RBFOX1: variants seen among roughly 807,000 people sequenced by gnomAD.
The protein encoded by RBFOX1 is RNA binding protein fox-1 homolog 1.
RBFOX1 carries 8 observed loss-of-function variants against 57.7 expected under a neutral mutation model. The ratio of observed to expected loss-of-function variants is 0.14; its 90% CI spans 0.08 to 0.25. The LOEUF (loss-of-function observed/expected upper bound fraction) is 0.25. Among genes scored for constraint, RBFOX1 ranks in the 10% least tolerant of loss-of-function variants. The pLI is 1.00. For missense variants in RBFOX1, 611 were observed against 548.5 expected, an observed-to-expected ratio of 1.11 and a Z score of -1.14; for synonymous variants, 326 against 222.4, an observed-to-expected ratio of 1.47 and a Z score of -4.15.
intron 4 of RBFOX1, among the ~76,000 whole-genome samples, chr16:5,925,641 TTTATG>T (rs1445708378): frequency 3.3e-5 from 5 of 152,124 alleles, no homozygotes; most frequent in African/African-American, 1.2e-4. Flanking sequence ...CATAGTGAAT[TTTATG>T]TTATGTGTAT....
At chr16:6,408,412 T>G (rs2093356385) in intron 2 of RBFOX1, among the ~76,000 whole-genome samples, 1 of 152,132 alleles carries the variant, frequency 6.6e-6, no homozygotes, top group Admixed American at 6.5e-5. Context: ...ATGGTTAGTG[T>G]TTTTTAATAG....
chr16:5,440,505 T>C (rs2068052285), intron 1 of RBFOX1, among the ~76,000 whole-genome samples: 1 of 152,070 alleles, frequency 6.6e-6, no homozygotes, highest in Non-Finnish European at 1.5e-5. Context: ...TGCATTGGAG[T>C]TTGGAGAATG....
At chr16:7,393,763 G>C (rs954508767) in intron 4 of RBFOX1, among the ~76,000 whole-genome samples, 3 of 152,182 alleles carry the variant, frequency 2.0e-5, no homozygotes, top group African/African-American at 4.8e-5. Context: ...AGGGGTGGTA[G>C]CCGCCTTACC....
intron 3 of RBFOX1, among the ~76,000 whole-genome samples, chr16:6,717,990 C>T (rs761140322): frequency 2.6e-5 from 4 of 152,098 alleles, no homozygotes; most frequent in Non-Finnish European, 4.4e-5. Context: ...CTCCCCTGCA[C>T]CATTTTCTAC....
At position 5,290,721 on chromosome 16, in the gene RBFOX1, G is replaced by A. The variant is rs145048782; in HGVS notation, c.219+50616G>A. 6.2e-3 allele frequency among the ~76,000 whole-genome samples: 937 copies of A among 151,200 alleles called. 9 individuals are homozygous for A. Among genetic ancestry groups the A allele is most frequent in the African/African-American group, 0.022 (893 of 41,196 alleles). ...AGGGACTTTTTTTTTTTTTTGAGACGGAGTTTAGCTCTTGACGCCTAGGCT... is the reference window on the plus strand; with the variant it reads ...AGGGACTTTTTTTTTTTTTTGAGACAGAGTTTAGCTCTTGACGCCTAGGCT... On this transcript the variant is annotated intron_variant, in intron 1 of 2. Transcript: ENST00000585867.
chr16:6,936,373 CAG>C (rs758843362), intron 3 of RBFOX1, among the ~76,000 whole-genome samples: 3 of 152,066 alleles, frequency 2.0e-5, no homozygotes, highest in Non-Finnish European at 4.4e-5. Context: ...TAGGCACAAA[CAG>C]AAACAAATAA....
At chr16:6,791,269 C>T (rs537118439) in intron 3 of RBFOX1, among the ~76,000 whole-genome samples, 1 of 152,158 alleles carries the variant, frequency 6.6e-6, no homozygotes, top group African/African-American at 2.4e-5. Flanking sequence ...GCCATTGACT[C>T]AGCTGCATGG....
At chr16:7,444,122 C>G (rs1323320913) in intron 4 of RBFOX1, among the ~76,000 whole-genome samples, 1 of 152,186 alleles carries the variant, frequency 6.6e-6, no homozygotes, top group Non-Finnish European at 1.5e-5. Context: ...TTATACTAAA[C>G]CAACGTTATA....
intron 1 of RBFOX1, among the ~76,000 whole-genome samples, chr16:6,214,178 C>G (rs2097316160): frequency 6.6e-6 from 1 of 152,240 alleles, no homozygotes; most frequent in Non-Finnish European, 1.5e-5. Flanking sequence ...CTCTCCTTCT[C>G]TCCCACTGTC....
At chr16:5,763,049 C>A (rs749990947) in intron 3 of RBFOX1, among the ~76,000 whole-genome samples, 3 of 152,012 alleles carry the variant, frequency 2.0e-5, no homozygotes, top group Non-Finnish European at 4.4e-5. Flanking sequence ...TAAAGAAAAA[C>A]TTAATGTTAA....
chr16:5,775,258 C>T (rs1372517930), intron 3 of RBFOX1, among the ~76,000 whole-genome samples: 1 of 152,166 alleles, frequency 6.6e-6, no homozygotes, highest in Non-Finnish European at 1.5e-5. Context: ...TGTTCCTAAG[C>T]TTCCCTTCAA....
chr16:6,545,559 C>T lies in RBFOX1; in HGVS notation c.-63-109044C>T, dbSNP rs182490038. Among the ~76,000 whole-genome samples the T allele has an allele frequency of 6.7e-3, 1,013 of 152,306 alleles. 4 individuals carry two copies. Among genetic ancestry groups the T allele is most frequent in the Non-Finnish European group, 0.011 (780 of 68,024 alleles). ...CTCTTATGTCACATCTCGGTTTAGA[C>T]TCTGCAGAAACGCAATTCCCAACCC... On this transcript the variant is annotated intron_variant, in intron 2 of 15. Coordinates refer to ENST00000550418, the MANE Select transcript of RBFOX1 (RefSeq NM_018723.4).
At chr16:5,301,226 G>A (rs1369292395) in intron 1 of RBFOX1, among the ~76,000 whole-genome samples, 1 of 152,174 alleles carries the variant, frequency 6.6e-6, no homozygotes, top group Non-Finnish European at 1.5e-5. Flanking sequence ...ACCATGGAGA[G>A]GTTCACATGG....
At chr16:6,607,888 C>T (rs1490846722) in intron 2 of RBFOX1, among the ~76,000 whole-genome samples, 1 of 152,136 alleles carries the variant, frequency 6.6e-6, no homozygotes, top group Non-Finnish European at 1.5e-5. Context: ...TGTCCACAAA[C>T]CTCCTTGTTT....
At chr16:7,160,123 T>C (rs781754573) in intron 4 of RBFOX1, among the ~76,000 whole-genome samples, 1 of 152,196 alleles carries the variant, frequency 6.6e-6, no homozygotes, top group South Asian at 2.1e-4. Context: ...ATATTATCCC[T>C]TTCATAATTT....
At chr16:7,062,317 C>CAAAAAAAAAAA (rs57989614) in intron 4 of RBFOX1, among the ~76,000 whole-genome samples, 7 of 65,332 alleles carry the variant, frequency 1.1e-4, no homozygotes, top group Non-Finnish European at 1.4e-4. Context: ...GACTCCATCT[C>CAAAAAAAAAAA]AAAAAAAAAA....
intron 2 of RBFOX1, among the ~76,000 whole-genome samples, chr16:6,488,175 C>G (rs1353284552): frequency 6.6e-6 from 1 of 152,132 alleles, no homozygotes; most frequent in African/African-American, 2.4e-5. Context: ...CCTTCCTTTG[C>G]TCTTCATGGT....
intron 1 of RBFOX1, among the ~76,000 whole-genome samples, chr16:5,250,633 T>C (rs2062427369): frequency 6.6e-6 from 1 of 152,260 alleles, no homozygotes; most frequent in Non-Finnish European, 1.5e-5. Context: ...GGAATAATGC[T>C]ATATTCATTC....
intron 2 of RBFOX1, among the ~76,000 whole-genome samples, chr16:6,530,649 C>A (rs945331335): frequency 6.6e-6 from 1 of 151,952 alleles, no homozygotes; most frequent in Non-Finnish European, 1.5e-5. Flanking sequence ...GCTGGGGAGG[C>A]CTCACAATCA....
Sources: gnomAD v4.1 joint callset for allele counts (sites outside exome capture counted in the v4.1 genomes callset) on GRCh38, gnomAD v4.1.1 for gene constraint, MANE v1.5 for transcripts, NCBI Gene and HGNC (gene_info 2026-07-23, HGNC 2026-07-21) for gene names.